RGS20: variants seen among roughly 807,000 people sequenced by gnomAD.
RGS20 encodes the protein gz-selective GTPase-activating protein.
RGS20 carries 30 observed loss-of-function variants against 33.6 expected under a neutral mutation model. The observed-to-expected ratio is 0.89, with a 90% confidence interval of 0.67 to 1.21. The LOEUF is 1.21. Ranked by LOEUF, RGS20 falls within the 50% of genes most tolerant of loss-of-function variation. RGS20 has a pLI of 0.00. For synonymous variants in RGS20, 208 were observed against 197.9 expected (o/e 1.05, Z -0.43); for missense variants, 472 against 502.4 (o/e 0.94, Z 0.58).
intron 2 of RGS20, among the ~76,000 whole-genome samples, chr8:53,912,343 T>C (rs1181678696): frequency 1.5e-5 from 2 of 137,286 alleles, no homozygotes; most frequent in Non-Finnish European, 3.0e-5. Context: ...ATGGATACAG[T>C]TAATCTTGAT....
chr8:53,887,327 GT>G, intron 2 of RGS20: 1 of 217,096 alleles, frequency 4.6e-6, no homozygotes, highest in Non-Finnish European at 9.7e-6. Context: ...CCATCTTCCA[GT>G]TACTTGCCAG....
At chr8:53,927,067 T>C (rs1424084066) in intron 2 of RGS20, among the ~76,000 whole-genome samples, 1 of 152,188 alleles carries the variant, frequency 6.6e-6, no homozygotes, top group Non-Finnish European at 1.5e-5. Flanking sequence ...AAAGGCCTCT[T>C]AGATGTTGAG....
chr8:53,867,916 G>A (rs780597691), intron 1 of RGS20, among the ~76,000 whole-genome samples: 1 of 152,036 alleles, frequency 6.6e-6, no homozygotes, highest in Non-Finnish European at 1.5e-5. Flanking sequence ...GTAGAGCCGG[G>A]GTTTTGCCAC....
intron 2 of RGS20, among the ~76,000 whole-genome samples, chr8:53,928,552 G>A (rs191566143): frequency 1.1e-3 from 171 of 152,194 alleles, no homozygotes; most frequent in African/African-American, 3.3e-3. Context: ...ACCAGGGCGC[G>A]GTGGCTTACA....
chr8:53,896,574 A>G (rs537781490), intron 2 of RGS20, among the ~76,000 whole-genome samples: 67 of 152,360 alleles, frequency 4.4e-4, no homozygotes, highest in African/African-American at 1.5e-3. Context: ...GAAAGTAAAT[A>G]CGAAGTTCAA....
intron 3 of RGS20, 32 bp downstream of exon 2, chr8:53,939,756 C>T: frequency 6.5e-7 from 1 of 1,536,654 alleles, no homozygotes. Context: ...TGAATGTGCT[C>T]CTGACTGGGA....
In RGS20 at chr8:53,954,123, A is replaced by G; in HGVS notation, c.791A>G (p.Asp264Gly). 2 of 1,614,074 alleles carry G rather than the reference A, an allele frequency of 1.2e-6. No individual in the cohort carries two copies. The highest frequency in any genetic ancestry group is 8.5e-7 in the Non-Finnish European group (1 of 1,179,988). Reference sequence around the variant, plus strand: ...GTCAACGCCTGGGCTCAGTCATTTGACAAATTAATGGTCACTCCAGCAGGA... The same window carrying G: ...GTCAACGCCTGGGCTCAGTCATTTGGCAAATTAATGGTCACTCCAGCAGGA... The change falls in exon 5 of 6, where the codon GAC (aspartate) becomes GGC (glycine). Residue 264 changes from aspartate to glycine, a missense_variant. Transcript: ENST00000297313.
chr8:53,946,327 T>A (rs566458752), intron 3 of RGS20, among the ~76,000 whole-genome samples: 2 of 152,256 alleles, frequency 1.3e-5, no homozygotes, highest in East Asian at 3.9e-4. Flanking sequence ...CCTCCCAAAG[T>A]GCTGGGGTTA....
intron 2 of RGS20, among the ~76,000 whole-genome samples, chr8:53,892,732 T>C (rs984560242): frequency 7.9e-5 from 12 of 152,234 alleles, no homozygotes; most frequent in African/African-American, 2.9e-4. Context: ...CTCTTGCCAA[T>C]ATTCTCCTAA....
chr8:53,906,759 G>C (rs977602174), intron 2 of RGS20, among the ~76,000 whole-genome samples: 54 of 152,172 alleles, frequency 3.5e-4, no homozygotes, highest in African/African-American at 1.3e-3. Flanking sequence ...ATGAGGAAAG[G>C]AGTTTTGTTC....
At chr8:53,885,342 G>A (rs957028166) in intron 2 of RGS20, among the ~76,000 whole-genome samples, 1 of 152,182 alleles carries the variant, frequency 6.6e-6, no homozygotes, top group Non-Finnish European at 1.5e-5. Context: ...GGCCGGGCGC[G>A]GTGGCTCACG....
intron 1 of RGS20, among the ~76,000 whole-genome samples, chr8:53,868,545 T>C (rs906673930): frequency 6.6e-6 from 1 of 152,110 alleles, no homozygotes; most frequent in African/African-American, 2.4e-5. Flanking sequence ...ATTTTATAAA[T>C]GTGTATACCT....
At chr8:53,887,286 T>A (rs1272346757) in intron 2 of RGS20, 1 of 199,500 alleles carries the variant, frequency 5.0e-6, no homozygotes, top group East Asian at 1.2e-4. Context: ...AGTAAATTCC[T>A]TTTGAATGTT....
intron 2 of RGS20, chr8:53,879,693 C>T: frequency 1.8e-6 from 2 of 1,115,678 alleles, no homozygotes; most frequent in Non-Finnish European, 2.4e-6. Context: ...TGACCCGCTC[C>T]GCTGGGGCTA....
chr8:53,896,617 T>A (rs1392338433), intron 2 of RGS20, among the ~76,000 whole-genome samples: 1 of 152,234 alleles, frequency 6.6e-6, no homozygotes, highest in Non-Finnish European at 1.5e-5. Context: ...TAGAATAGTC[T>A]ACTCTTTAAA....
At chr8:53,895,057 C>T (rs999570745) in intron 2 of RGS20, among the ~76,000 whole-genome samples, 4 of 152,044 alleles carry the variant, frequency 2.6e-5, no homozygotes, top group Admixed American at 1.3e-4. Flanking sequence ...TGGGACTTAT[C>T]GTAGCCATCG....
At chr8:53,912,479 C>T (rs1296788810) in intron 2 of RGS20, among the ~76,000 whole-genome samples, 1 of 151,686 alleles carries the variant, frequency 6.6e-6, no homozygotes, top group Non-Finnish European at 1.5e-5. Flanking sequence ...TCTTGAATCA[C>T]ATTTAACTTC....
At chr8:53,898,120 G>A (rs1812919190) in intron 2 of RGS20, among the ~76,000 whole-genome samples, 1 of 152,172 alleles carries the variant, frequency 6.6e-6, no homozygotes, top group South Asian at 2.1e-4. Context: ...GCACCACCAG[G>A]AGCTGCTGCT....
At chr8:53,882,767 G>A (rs956873335) in intron 2 of RGS20, among the ~76,000 whole-genome samples, 1 of 152,142 alleles carries the variant, frequency 6.6e-6, no homozygotes, top group Non-Finnish European at 1.5e-5. Flanking sequence ...GTGCCAGCAG[G>A]ACCCTCGCCC....
Sources: allele counts gnomAD v4.1 joint callset (sites outside exome capture counted in the v4.1 genomes callset), GRCh38; gene constraint gnomAD v4.1.1; transcripts MANE v1.5; gene names NCBI Gene and HGNC (gene_info 2026-07-23, HGNC 2026-07-21).